KCNQ2: variants seen among roughly 807,000 people sequenced by gnomAD.
KCNQ2 encodes the protein potassium voltage-gated channel subfamily Q member 2.
In KCNQ2, 14 loss-of-function variants were observed where a neutral mutation model predicts 84.8. The observed-to-expected ratio is 0.17, with a 90% confidence interval of 0.11 to 0.26. The LOEUF (loss-of-function observed/expected upper bound fraction) is 0.26, where lower values mean the gene tolerates loss of function less well. Among genes scored for constraint, KCNQ2 ranks in the 10% least tolerant of loss-of-function variants. KCNQ2 has a pLI of 1.00. For missense variants in KCNQ2, 788 were observed against 1,254.0 expected (o/e 0.63, Z 5.61); for synonymous variants, 599 against 554.1 (o/e 1.08, Z -1.14).
chr20:63,411,332 C>A (rs1052984305), intron 15 of KCNQ2, among the ~76,000 whole-genome samples: 8 of 152,350 alleles, frequency 5.3e-5, no homozygotes, highest in African/African-American at 1.4e-4. Context: ...GGCCCACCCC[C>A]ACAGTGGGCA....
chr20:63,443,454 C>T (rs1010162516), intron 4 of KCNQ2, among the ~76,000 whole-genome samples: 5 of 47,984 alleles, frequency 1.0e-4, no homozygotes, highest in East Asian at 1.9e-3. Context: ...ACCACCATCA[C>T]CATCACCACC....
chr20:63,443,286 CCATCATCACCACCACCATCACCATCAT>C (rs2081294865), intron 4 of KCNQ2, among the ~76,000 whole-genome samples: 1 of 69,322 alleles, frequency 1.4e-5, no homozygotes, highest in Non-Finnish European at 3.1e-5. Flanking sequence ...ATCACCATCA[CCATCATCACCACCACCATCACCATCAT>C]CACCACCACC....
intron 1 of KCNQ2, among the ~76,000 whole-genome samples, chr20:63,464,120 C>T (rs7262093): frequency 0.011 from 1,702 of 152,240 alleles, 23 homozygotes; most frequent in African/African-American, 0.038. Flanking sequence ...TTCCAGAGCA[C>T]GTCTGGAAAA....
chr20:63,456,262 G>C (rs1010111026), intron 1 of KCNQ2, among the ~76,000 whole-genome samples: 2 of 152,152 alleles, frequency 1.3e-5, no homozygotes, highest in Non-Finnish European at 2.9e-5. Flanking sequence ...TTCTTTTCTG[G>C]GAAAGCATGA....
rs925994479 is a variant in KCNQ2, at chr20:63,403,614, G to A, written c.*3030C>T. ...TGCACGTGTACATGTAAGCGTGCATGTGTATGCCTGTATGCAGGCATGTGT... is the reference window on the plus strand; with the variant it reads ...TGCACGTGTACATGTAAGCGTGCATATGTATGCCTGTATGCAGGCATGTGT... On this transcript the variant is annotated 3_prime_UTR_variant, in exon 17 of 17. Coordinates refer to ENST00000359125, the MANE Select transcript of KCNQ2 (RefSeq NM_172107.4). 6.6e-6 allele frequency: 1 copy of A among 152,440 alleles called. No individual in the cohort carries two copies. Among genetic ancestry groups the A allele is most frequent in the African/African-American group, 2.4e-5 (1 of 41,450 alleles). 9.4% of individuals were successfully genotyped at this position (152,440 alleles called of 1,614,324 possible).
rs1216548816 is a variant in KCNQ2, at chr20:63,466,254, C to G, written c.296+5914G>C. 2.0e-5 allele frequency among the ~76,000 whole-genome samples: 3 copies of G among 152,204 alleles called. No homozygotes were observed. In the East Asian group the frequency reaches 5.8e-4, roughly 29 times the overall value. On this transcript the variant is annotated intron_variant, in intron 1 of 16. Transcript: ENST00000359125. ...AACAGGCAAGCTTCCCACGCTCGAGCCCGGGCCCCGCGCTTCAACCCACGA... is the reference window on the plus strand; with the variant it reads ...AACAGGCAAGCTTCCCACGCTCGAGGCCGGGCCCCGCGCTTCAACCCACGA...
rs536789327 is a variant in KCNQ2 at position 63,442,303 on chromosome 20, A to G, written c.816+103T>C. On this transcript the variant is annotated intron_variant, in intron 5 of 16. Transcript: ENST00000359125. ...CCACGGGCAGCCAGCAGGTGGCCCCAAAGAGATGTATGGAGCAGGCTCAGC... is the reference window on the plus strand; with the variant it reads ...CCACGGGCAGCCAGCAGGTGGCCCCGAAGAGATGTATGGAGCAGGCTCAGC... The G allele has an allele frequency of 2.0e-5, 27 of 1,323,502 alleles. No individual in the cohort carries two copies. The African/African-American group carries it at 4.2e-4, about 21-fold the overall frequency. The allele number at this position is 1,323,502 out of a possible 1,614,324, so 82.0% of individuals were successfully genotyped here.
chr20:63,430,406 T>C (rs1489309112), intron 9 of KCNQ2, among the ~76,000 whole-genome samples: 1 of 152,060 alleles, frequency 6.6e-6, no homozygotes, highest in Non-Finnish European at 1.5e-5. Flanking sequence ...ACCCACTTCC[T>C]TTCTGGGAAT....
rs1242917044 is a variant in KCNQ2 at position 63,406,608 on chromosome 20, G to A, written c.*36C>T. 6 of 1,560,602 alleles carry A rather than the reference G, an allele frequency of 3.8e-6. No individual in the cohort carries two copies. The highest frequency in any genetic ancestry group is 3.5e-5 in the South Asian group (3 of 86,012). On this transcript the variant is annotated 3_prime_UTR_variant, in exon 17 of 17. Transcript: ENST00000359125. ...AAAACCTCGGAGGCACCGTGCTGAG[G>A]AGGGCCGCGGGCGGGTCCACTGGCC... is the stretch of plus-strand genomic sequence containing the variant.
In KCNQ2 at chr20:63,404,990, T is replaced by C. The variant is rs1030153656; in HGVS notation, c.*1654A>G. The C allele has an allele frequency of 6.6e-6, 1 of 152,258 alleles. No homozygotes were observed. Among genetic ancestry groups the C allele is most frequent in the African/African-American group, 2.4e-5 (1 of 41,400 alleles). The allele number at this position is 152,258 out of a possible 1,614,324, so 9.4% of individuals were successfully genotyped here. On this transcript the variant is annotated 3_prime_UTR_variant, in exon 17 of 17. Coordinates refer to ENST00000359125, the MANE Select transcript of KCNQ2 (RefSeq NM_172107.4). ...AGGCCAGGGCAGCAGCTCCCCACAA[T>C]GGACGCCAGACATGGCTCCCCGAAC...
chr20:63,467,897 A>G (rs2082119331), intron 1 of KCNQ2, among the ~76,000 whole-genome samples: 1 of 152,176 alleles, frequency 6.6e-6, no homozygotes, highest in African/African-American at 2.4e-5. Flanking sequence ...GTCTCTGCAG[A>G]GATTGGCTTG....
chr20:63,408,458 G>A lies in KCNQ2; in HGVS notation c.1842C>T (p.Pro614=), dbSNP rs552807375. The change falls in exon 16 of 17, where the codon CCC becomes CCT. Residue 614 remains proline, a synonymous_variant. Coordinates refer to ENST00000359125, the MANE Select transcript of KCNQ2 (RefSeq NM_172107.4). The surrounding 1 kb of genome is among the most constrained non-coding windows in gnomAD (Gnocchi z 5.0). ...RTKGPAEAEL[P]EDPSMMGRLG... ...GCCGTCCCATCATGCTGGGGTCCTC[G>A]GGCAGCTCCGCCTCGGCCGGGCCCT... is the stretch of plus-strand genomic sequence containing the variant. 76 of 1,608,694 alleles carry A rather than the reference G, an allele frequency of 4.7e-5. No homozygotes were observed. Among genetic ancestry groups the A allele is most frequent in the Non-Finnish European group, 5.6e-5 (66 of 1,178,696 alleles).
intron 1 of KCNQ2, among the ~76,000 whole-genome samples, chr20:63,471,928 G>T (rs2082226326): frequency 6.6e-6 from 1 of 152,188 alleles, no homozygotes; most frequent in Non-Finnish European, 1.5e-5. Flanking sequence ...TCTCTGTCCT[G>T]CGGGCCTGGA....
rs2082113798 is a variant in KCNQ2 at position 63,467,585 on chromosome 20, G to A, written c.296+4583C>T. On this transcript the variant is annotated intron_variant, in intron 1 of 16. Coordinates refer to ENST00000359125, the MANE Select transcript of KCNQ2 (RefSeq NM_172107.4). ...GTGCTCTTGCGAGCAGCTGCCAGAC[G>A]GACTTGCTGAGTGTGCACACAGGGG... is the stretch of plus-strand genomic sequence containing the variant. Among the ~76,000 whole-genome samples, 5 of 152,338 alleles carry A rather than the reference G, an allele frequency of 3.3e-5. No individual in the cohort carries two copies. In the South Asian group the frequency reaches 6.2e-4, roughly 19 times the overall value.
chr20:63,468,482 G>C (rs1003806663), intron 1 of KCNQ2, among the ~76,000 whole-genome samples: 1 of 152,224 alleles, frequency 6.6e-6, no homozygotes, highest in Non-Finnish European at 1.5e-5. Context: ...ACCAGCCCCA[G>C]AGCTGAATGA....
Position 63,424,399 on chromosome 20 carries a change from G to A in KCNQ2, c.1218-193C>T, listed in dbSNP as rs1466821263. On this transcript the variant is annotated intron_variant, in intron 10 of 16. Coordinates refer to ENST00000359125, the MANE Select transcript of KCNQ2 (RefSeq NM_172107.4). ...CGGCCCCAGGAACGGGCACCCCAGGGCCCACGGAGGCAGCTCCGAGAGGGA... is the reference window on the plus strand; with the variant it reads ...CGGCCCCAGGAACGGGCACCCCAGGACCCACGGAGGCAGCTCCGAGAGGGA... The A allele has an allele frequency of 9.6e-6, 6 of 625,726 alleles. No individual in the cohort carries two copies. The East Asian group carries it at 1.6e-4, about 17-fold the overall frequency. The allele number at this position is 625,726 out of a possible 1,614,324, so 38.8% of individuals were successfully genotyped here. A position where few individuals can be genotyped will look rare whatever the true frequency, so the allele number is the denominator to read the frequency against.
rs746960988 is a variant in KCNQ2, at chr20:63,439,670, G to A, written c.855C>T (p.Pro285=). The A allele has an allele frequency of 7.4e-6, 12 of 1,613,854 alleles. No homozygotes were observed. Among genetic ancestry groups the A allele is most frequent in the Non-Finnish European group, 1.0e-5 (12 of 1,179,990 alleles). ...CAAGGAGCCTGCCGTTCCAGGTCTG[G>A]GGGTACTTGTCCCCGTAGCCAATGG... ...LTTIGYGDKY[P]QTWNGRLLAA... Residue 285 remains proline, a synonymous_variant, in exon 6 of 17, where the codon CCC becomes CCT. Coordinates refer to ENST00000359125, the MANE Select transcript of KCNQ2 (RefSeq NM_172107.4).
At chr20:63,423,820 G>C (rs761468622) in intron 11 of KCNQ2, 27 of 339,560 alleles carry the variant, frequency 8.0e-5, no homozygotes, top group Admixed American at 1.8e-4. Context: ...CTGTGAGCTC[G>C]GGCTATGTGC....
intron 1 of KCNQ2, among the ~76,000 whole-genome samples, chr20:63,464,373 C>T (rs1295738838): frequency 6.6e-6 from 1 of 152,006 alleles, no homozygotes; most frequent in Non-Finnish European, 1.5e-5. Flanking sequence ...ACCTTAGCCT[C>T]ACCCACCCCA....
Sources: allele counts gnomAD v4.1 joint callset (sites outside exome capture counted in the v4.1 genomes callset), GRCh38; gene constraint gnomAD v4.1.1; non-coding constraint Gnocchi (gnomAD v3.1); transcripts MANE v1.5; gene names NCBI Gene and HGNC (gene_info 2026-07-23, HGNC 2026-07-21).